Variants in NTRK3 observed in about 807,000 individuals in gnomAD.
NTRK3 encodes NT-3 growth factor receptor.
NTRK3 carries 24 observed loss-of-function variants against 91.7 expected under a neutral mutation model. The observed-to-expected ratio is 0.26, with a 90% confidence interval of 0.19 to 0.37. The LOEUF is 0.37. Ranked by LOEUF, NTRK3 falls within the 10% of genes least tolerant of loss-of-function variation. The probability of loss-of-function intolerance (pLI) is 1.00; values close to 1 mark genes in which losing one functional copy is unlikely to be tolerated. For missense variants in NTRK3, 880 were observed against 1,068.9 expected (o/e 0.82, Z 2.46); for synonymous variants, 483 against 404.0 (o/e 1.20, Z -2.34).
At chr15:88,022,230 C>G (rs1213596014) in intron 14 of NTRK3, among the ~76,000 whole-genome samples, 1 of 152,164 alleles carries the variant, frequency 6.6e-6, no homozygotes, top group Non-Finnish European at 1.5e-5. Context: ...CCATGACCTT[C>G]CATGCAACTG....
intron 5 of NTRK3, among the ~76,000 whole-genome samples, chr15:88,156,448 C>T (rs1278930826): frequency 6.6e-6 from 1 of 152,110 alleles, no homozygotes; most frequent in Non-Finnish European, 1.5e-5. Flanking sequence ...TCTCTCACTA[C>T]CCACCTCCTT....
intron 13 of NTRK3, among the ~76,000 whole-genome samples, chr15:88,117,100 C>T (rs1250411760): frequency 6.6e-6 from 1 of 152,182 alleles, no homozygotes; most frequent in Non-Finnish European, 1.5e-5. Context: ...AATTAAGTGA[C>T]CTGGAGTGTG....
At chr15:88,246,925 A>G (rs2052885984) in intron 3 of NTRK3, among the ~76,000 whole-genome samples, 1 of 151,412 alleles carries the variant, frequency 6.6e-6, no homozygotes, top group South Asian at 2.1e-4. Context: ...TCACCAGGCT[A>G]GCGCCACACG....
chr15:88,172,742 G>A (rs965841801), intron 5 of NTRK3, among the ~76,000 whole-genome samples: 14 of 152,202 alleles, frequency 9.2e-5, no homozygotes, highest in African/African-American at 2.7e-4. Flanking sequence ...ATCAGAATGT[G>A]GTCCACAAAC....
intron 5 of NTRK3, among the ~76,000 whole-genome samples, chr15:88,173,995 T>C (rs2045768332): frequency 6.6e-6 from 1 of 152,246 alleles, no homozygotes; most frequent in Admixed American, 6.5e-5. Flanking sequence ...CATAGAGGAA[T>C]GCTTGGTCTA....
intron 3 of NTRK3, among the ~76,000 whole-genome samples, chr15:88,246,285 C>A (rs1337481346): frequency 6.6e-6 from 1 of 152,250 alleles, no homozygotes; most frequent in Non-Finnish European, 1.5e-5. Flanking sequence ...GTTTGCAAGG[C>A]ACTTTCGTAG....
intron 3 of NTRK3, among the ~76,000 whole-genome samples, chr15:88,214,773 G>A (rs181993634): frequency 2.0e-5 from 3 of 151,762 alleles, no homozygotes; most frequent in Admixed American, 6.6e-5. Context: ...TCCCATACGA[G>A]CCCAGCTTTG....
At chr15:87,887,432 G>C (rs913504171) in intron 17 of NTRK3, among the ~76,000 whole-genome samples, 1 of 152,172 alleles carries the variant, frequency 6.6e-6, no homozygotes, top group Admixed American at 6.5e-5. Flanking sequence ...TTCAAAATAA[G>C]AGTGAAGCAA....
intron 13 of NTRK3, among the ~76,000 whole-genome samples, chr15:88,108,962 G>T (rs1486182690): frequency 6.6e-6 from 1 of 152,194 alleles, no homozygotes; most frequent in Non-Finnish European, 1.5e-5. Flanking sequence ...AGTCAGACAA[G>T]AAAGAATCCC....
At chr15:88,032,964 G>A in exon 14 of NTRK3, 1 of 1,612,726 alleles carries the variant, frequency 6.2e-7, no homozygotes. Context: ...GGCATCCAGT[G>A]ACGAGGGCGT....
intron 13 of NTRK3, among the ~76,000 whole-genome samples, chr15:88,067,289 A>C (rs1038170801): frequency 1.3e-5 from 2 of 152,136 alleles, no homozygotes; most frequent in African/African-American, 4.8e-5. Context: ...ATTTATCCAC[A>C]GAGTCTCCTA....
At chr15:88,217,119 A>G (rs2049849872) in intron 3 of NTRK3, among the ~76,000 whole-genome samples, 1 of 152,180 alleles carries the variant, frequency 6.6e-6, no homozygotes, top group Non-Finnish European at 1.5e-5. Context: ...AAAAATAACA[A>G]GAGTTGGTGA....
At chr15:87,987,295 T>A (rs2074896728) in intron 14 of NTRK3, among the ~76,000 whole-genome samples, 1 of 152,206 alleles carries the variant, frequency 6.6e-6, no homozygotes, top group Non-Finnish European at 1.5e-5. Flanking sequence ...TCCTACCCCA[T>A]CTTCCCATAT....
At chr15:88,211,114 T>C (rs1205203956) in intron 3 of NTRK3, among the ~76,000 whole-genome samples, 1 of 152,246 alleles carries the variant, frequency 6.6e-6, no homozygotes, top group Non-Finnish European at 1.5e-5. Flanking sequence ...ACATCACTTC[T>C]ATTTAGTGCC....
intron 17 of NTRK3, among the ~76,000 whole-genome samples, chr15:87,924,545 T>C (rs1054989895): frequency 6.6e-6 from 1 of 152,182 alleles, no homozygotes; most frequent in Non-Finnish European, 1.5e-5. Context: ...GAACCTGAAG[T>C]GGGTCATCCT....
chr15:87,987,043 C>A (rs1477215285), intron 14 of NTRK3, among the ~76,000 whole-genome samples: 1 of 152,246 alleles, frequency 6.6e-6, no homozygotes, highest in East Asian at 1.9e-4. Context: ...GGCAAGTGGA[C>A]AAGCAGCATC....
chr15:87,923,664 A>C (rs2068056169), intron 17 of NTRK3, among the ~76,000 whole-genome samples: 1 of 152,214 alleles, frequency 6.6e-6, no homozygotes, highest in African/African-American at 2.4e-5. Context: ...TTCATATTTT[A>C]GCTCCAATAA....
chr15:87,994,426 T>C (rs545246673), intron 14 of NTRK3, among the ~76,000 whole-genome samples: 5 of 152,252 alleles, frequency 3.3e-5, no homozygotes, highest in African/African-American at 4.8e-5. Flanking sequence ...CAGAACACCA[T>C]GTGAACATGA....
chr15:88,058,359 C>A (rs1268534689), intron 13 of NTRK3, among the ~76,000 whole-genome samples: 1 of 152,188 alleles, frequency 6.6e-6, no homozygotes, highest in Non-Finnish European at 1.5e-5. Context: ...GATAGCCAAC[C>A]TCATAGGATT....
Sources: gnomAD v4.1 joint callset for allele counts (sites outside exome capture counted in the v4.1 genomes callset) on GRCh38, gnomAD v4.1.1 for gene constraint, MANE v1.5 for transcripts, NCBI Gene and HGNC (gene_info 2026-07-23, HGNC 2026-07-21) for gene names.